Variants in LAMA2 observed in about 807,000 individuals in gnomAD.
LAMA2 encodes laminin subunit alpha 2.
A neutral mutation model predicts 364.8 loss-of-function variants in LAMA2; 269 were observed. The ratio of observed to expected loss-of-function variants is 0.74; its 90% CI spans 0.67 to 0.82. The LOEUF (loss-of-function observed/expected upper bound fraction) is 0.82, where lower values mean the gene tolerates loss of function less well. LAMA2 is among the 40% of genes least tolerant of loss of function. LAMA2 has a pLI of 0.00. For missense variants in LAMA2, 3,807 were observed against 3,873.2 expected (o/e 0.98, Z 0.45); for synonymous variants, 1,379 against 1,370.6 (o/e 1.01, Z -0.14).
At chr6:129,220,583 T>C (rs968654465) in intron 12 of LAMA2, among the ~76,000 whole-genome samples, 2 of 152,250 alleles carry the variant, frequency 1.3e-5, no homozygotes, top group Admixed American at 6.5e-5. Context: ...ATTATCTAAC[T>C]TATTTTTAAA....
At chr6:129,216,919 G>A (rs1452536584) in intron 12 of LAMA2, among the ~76,000 whole-genome samples, 1 of 152,150 alleles carries the variant, frequency 6.6e-6, no homozygotes, top group Non-Finnish European at 1.5e-5. Flanking sequence ...GGTTGGGCGT[G>A]GGGGCTCATG....
intron 17 of LAMA2, 118 bp downstream of exon 17, chr6:129,270,869 A>G (rs1319642355): frequency 2.7e-6 from 3 of 1,091,740 alleles, no homozygotes; most frequent in South Asian, 2.7e-5. Context: ...ACAGACATGA[A>G]TTTTTTCAGG....
intron 4 of LAMA2, among the ~76,000 whole-genome samples, chr6:129,125,208 T>A (rs1053343458): frequency 1.3e-5 from 2 of 152,218 alleles, no homozygotes; most frequent in Admixed American, 1.3e-4. Flanking sequence ...GGGAAGACTG[T>A]GGGCATAGCA....
At chr6:128,889,450 G>A (rs975681195) in intron 1 of LAMA2, among the ~76,000 whole-genome samples, 3 of 152,002 alleles carry the variant, frequency 2.0e-5, no homozygotes, top group Admixed American at 6.6e-5. Flanking sequence ...TAACAATAAC[G>A]TTTTGGACTA....
At position 129,066,256 on chromosome 6, in the gene LAMA2, G is replaced by A. The variant is rs922714703; in HGVS notation, c.396+6360G>A. Among the ~76,000 whole-genome samples, 544 of 150,076 alleles carry A rather than the reference G, an allele frequency of 3.6e-3. 2 individuals are homozygous for A. Among genetic ancestry groups the A allele is most frequent in the Non-Finnish European group, 4.7e-3 (317 of 67,498 alleles). ...GAGACGGGGTTTCACCGTTTTAGCCGGGATGGTCTCGATCTCCTGACCTCG... is the reference window on the plus strand; with the variant it reads ...GAGACGGGGTTTCACCGTTTTAGCCAGGATGGTCTCGATCTCCTGACCTCG... On this transcript the variant is annotated intron_variant, in intron 3 of 64. Transcript: ENST00000421865.
At chr6:129,409,636 T>C (rs937365159) in intron 40 of LAMA2, among the ~76,000 whole-genome samples, 2 of 152,224 alleles carry the variant, frequency 1.3e-5, no homozygotes, top group African/African-American at 4.8e-5. Context: ...AGTAGTGATC[T>C]GCAGAAGATG....
intron 1 of LAMA2, among the ~76,000 whole-genome samples, chr6:128,992,007 A>T (rs866402362): frequency 6.6e-6 from 1 of 152,234 alleles, no homozygotes; most frequent in Non-Finnish European, 1.5e-5. Context: ...ATATTGTAGT[A>T]TGTAGTATAG....
chr6:129,129,215 TA>T (rs1314147775), intron 4 of LAMA2, among the ~76,000 whole-genome samples: 4 of 152,286 alleles, frequency 2.6e-5, no homozygotes, highest in African/African-American at 9.6e-5. Context: ...ATTTCAGGAA[TA>T]AGGAAAAACA....
chr6:129,395,769 A>G (rs1256327274), intron 37 of LAMA2, among the ~76,000 whole-genome samples: 2 of 152,242 alleles, frequency 1.3e-5, no homozygotes, highest in Admixed American at 6.5e-5. Context: ...CACTTGTGCT[A>G]GATCCTAAAG....
rs147989105 is a variant in LAMA2 at position 129,303,881 on chromosome 6, C to T, written c.3174+3009C>T. The stretch of plus-strand genomic sequence containing the variant: ...TGGTATGAACTTATTTTTCTTGTAG[C>T]GTTGTCGTCGGGATGAGGTACTGCA... On this transcript the variant is annotated intron_variant, in intron 22 of 64. Coordinates refer to ENST00000421865, the MANE Select transcript of LAMA2 (RefSeq NM_000426.4). Among the ~76,000 whole-genome samples, 227 of 152,170 alleles carry T rather than the reference C, an allele frequency of 1.5e-3. 1 individual carries two copies. Among genetic ancestry groups the T allele is most frequent in the Middle Eastern group, 3.4e-3 (1 of 294 alleles).
chr6:129,502,829 T>C, intron 59 of LAMA2, 58 bp downstream of exon 59: 1 of 1,173,866 alleles, frequency 8.5e-7, no homozygotes, highest in South Asian at 1.2e-5. Context: ...TGAGTATTTG[T>C]GTTTAATCAA....
chr6:129,279,599 A>T (rs910474101), intron 17 of LAMA2, among the ~76,000 whole-genome samples: 4 of 152,160 alleles, frequency 2.6e-5, no homozygotes, highest in African/African-American at 9.6e-5. Flanking sequence ...GGCACGCCCC[A>T]CTATGGCAGT....
At chr6:129,088,503 G>A (rs550029519) in intron 3 of LAMA2, among the ~76,000 whole-genome samples, 10 of 150,214 alleles carry the variant, frequency 6.7e-5, no homozygotes, top group South Asian at 6.4e-4. Context: ...CCTCCCAGAC[G>A]GGGTGGCTGG....
intron 4 of LAMA2, among the ~76,000 whole-genome samples, chr6:129,105,463 T>G (rs117665543): frequency 6.6e-6 from 1 of 152,204 alleles, no homozygotes; most frequent in Non-Finnish European, 1.5e-5. Context: ...TTTTAATTCA[T>G]TATATTTGTC....
chr6:128,895,626 C>A (rs1776727887), intron 1 of LAMA2, among the ~76,000 whole-genome samples: 1 of 152,054 alleles, frequency 6.6e-6, no homozygotes, highest in Non-Finnish European at 1.5e-5. Context: ...CCAGCTTGGG[C>A]AACAGAGCGA....
intron 60 of LAMA2, 45 bp downstream of exon 60, chr6:129,503,325 A>G: frequency 6.4e-7 from 1 of 1,551,816 alleles, no homozygotes; most frequent in Non-Finnish European, 8.9e-7. Context: ...GGAATTACTG[A>G]GTGGCAGCCA....
intron 12 of LAMA2, among the ~76,000 whole-genome samples, chr6:129,205,172 G>A (rs1387968184): frequency 2.6e-5 from 4 of 151,662 alleles, no homozygotes; most frequent in African/African-American, 4.9e-5. Flanking sequence ...GATGGATCAC[G>A]ACGTCAGGAG....
At chr6:129,442,300 C>A in intron 43 of LAMA2, 1 of 1,009,814 alleles carries the variant, frequency 9.9e-7, no homozygotes, top group Non-Finnish European at 1.3e-6. Context: ...AGTACAAACA[C>A]ATATAACATA....
intron 30 of LAMA2, among the ~76,000 whole-genome samples, chr6:129,346,127 G>C (rs1046399007): frequency 1.3e-5 from 2 of 152,124 alleles, no homozygotes; most frequent in Admixed American, 1.3e-4. Flanking sequence ...TCTTATGACG[G>C]AGTGGCAGTG....
Sources: allele counts gnomAD v4.1 joint callset (sites outside exome capture counted in the v4.1 genomes callset), GRCh38; gene constraint gnomAD v4.1.1; transcripts MANE v1.5; gene names NCBI Gene and HGNC (gene_info 2026-07-23, HGNC 2026-07-21).